CPNE5: variants seen among roughly 807,000 people sequenced by gnomAD.
The protein encoded by CPNE5 is copine 5.
CPNE5 carries 42 observed loss-of-function variants against 81.1 expected under a neutral mutation model. The observed-to-expected ratio is 0.52, with a 90% CI of 0.40 to 0.67. The LOEUF is 0.67. Among genes scored for constraint, CPNE5 ranks in the 30% least tolerant of loss-of-function variants. CPNE5 has a pLI of 0.00. For missense variants in CPNE5, 612 were observed against 815.5 expected (o/e 0.75, Z 3.04); for synonymous variants, 313 against 321.5 (o/e 0.97, Z 0.28).
At position 36,837,946 on chromosome 6, in the gene CPNE5, T is replaced by C. The variant is rs537734820; in HGVS notation, c.95+1337A>G. ...CATCAGGAATCTCCCAGCAGAGTAA[T>C]GACAAGATGCAAATGGCGTTGGGAG... On this transcript the variant is annotated intron_variant, in intron 1 of 20. Transcript: ENST00000244751. Among the ~76,000 whole-genome samples, 21 of 151,952 alleles carry C rather than the reference T, an allele frequency of 1.4e-4. No individual in the cohort carries two copies. In the South Asian group the frequency reaches 3.8e-3, roughly 27 times the overall value.
At chr6:36,780,195 C>T (rs115892252) in intron 8 of CPNE5, among the ~76,000 whole-genome samples, 1,812 of 152,258 alleles carry the variant, frequency 0.012, 19 homozygotes, top group African/African-American at 0.032. Flanking sequence ...GATATTCTGA[C>T]CTCATGATCC....
At chr6:36,829,052 C>T (rs1332153730) in intron 1 of CPNE5, among the ~76,000 whole-genome samples, 1 of 152,132 alleles carries the variant, frequency 6.6e-6, no homozygotes, top group Non-Finnish European at 1.5e-5. Flanking sequence ...GAAGATGGCA[C>T]CTAAGAATGC....
At chr6:36,803,891 C>T (rs961902913) in intron 3 of CPNE5, among the ~76,000 whole-genome samples, 1 of 152,120 alleles carries the variant, frequency 6.6e-6, no homozygotes, top group South Asian at 2.1e-4. Flanking sequence ...AACAACTGTG[C>T]TTTTTTAAAG....
intron 11 of CPNE5, 53 bp from the exon 12 acceptor site, chr6:36,763,045 C>T (rs988573376): frequency 5.4e-6 from 8 of 1,481,316 alleles, no homozygotes; most frequent in Middle Eastern, 1.7e-4. Context: ...CCTGCCTCTG[C>T]CCAGCCCCAG....
chr6:36,815,644 A>C (rs1182592872), intron 3 of CPNE5, among the ~76,000 whole-genome samples: 1 of 152,264 alleles, frequency 6.6e-6, no homozygotes, highest in Non-Finnish European at 1.5e-5. Flanking sequence ...TTGTTATAGC[A>C]ACCTGAACAG....
At chr6:36,832,389 A>G (rs1363924080) in intron 1 of CPNE5, among the ~76,000 whole-genome samples, 2 of 152,174 alleles carry the variant, frequency 1.3e-5, no homozygotes, top group Non-Finnish European at 2.9e-5. Flanking sequence ...AGGAGTGCAC[A>G]TGAGACCCAG....
chr6:36,777,767 CA>C (rs1767666277), intron 9 of CPNE5, among the ~76,000 whole-genome samples: 1 of 5,856 alleles, frequency 1.7e-4, no homozygotes. Context: ...CCCCCCCCAC[CA>C]CACACACACA....
intron 13 of CPNE5, among the ~76,000 whole-genome samples, chr6:36,753,495 C>T (rs1328922437): frequency 6.6e-6 from 1 of 152,224 alleles, no homozygotes; most frequent in African/African-American, 2.4e-5. Flanking sequence ...GTGTGGAGGA[C>T]AAGGGGGCCC....
In CPNE5 at chr6:36,764,074, G is replaced by A. The variant is rs548261443; in HGVS notation, c.780-1082C>T. Among the ~76,000 whole-genome samples the A allele has an allele frequency of 6.2e-3, 934 of 150,094 alleles. 7 individuals are homozygous for A. The highest frequency in any genetic ancestry group is 0.021 in the African/African-American group (863 of 40,684). On this transcript the variant is annotated intron_variant, in intron 11 of 20. Transcript: ENST00000244751. ...ACTGATGCCCAAGAGGTGTCCCTGG[G>A]GCCCCACCCCCCCACCCCCCACCGT...
chr6:36,741,951 G>T lies in CPNE5; in HGVS notation c.*317C>A, dbSNP rs948364660. Reference sequence around the variant, plus strand: ...AGGTAAGCAAATAGGATTGCCGGGGGTGGGCGACAGGGACCCCAATCACCC... The same window carrying T: ...AGGTAAGCAAATAGGATTGCCGGGGTTGGGCGACAGGGACCCCAATCACCC... On this transcript the variant is annotated 3_prime_UTR_variant, in exon 21 of 21. Coordinates refer to ENST00000244751, the MANE Select transcript of CPNE5 (RefSeq NM_020939.2). The T allele has an allele frequency of 3.1e-6, 1 of 324,526 alleles. No homozygotes were observed. The highest frequency in any genetic ancestry group is 2.1e-5 in the African/African-American group (1 of 47,002). The allele number at this position is 324,526 out of a possible 1,614,324, so 20.1% of individuals were successfully genotyped here.
chr6:36,813,398 G>A (rs568641791), intron 3 of CPNE5, among the ~76,000 whole-genome samples: 2 of 152,288 alleles, frequency 1.3e-5, no homozygotes, highest in East Asian at 1.9e-4. Flanking sequence ...AGGCATGGTG[G>A]CGCATGCCTG....
chr6:36,744,504 G>A, intron 18 of CPNE5, 179 bp from the exon 19 acceptor site: 1 of 616,686 alleles, frequency 1.6e-6, no homozygotes, highest in South Asian at 1.9e-5. Context: ...CAGAGATAAA[G>A]AGCAAAGGAA....
At chr6:36,816,660 G>A (rs1771570833) in intron 3 of CPNE5, among the ~76,000 whole-genome samples, 1 of 152,248 alleles carries the variant, frequency 6.6e-6, no homozygotes, top group Non-Finnish European at 1.5e-5. Flanking sequence ...TTCTATCCCA[G>A]AGGCGGTTCC....
At chr6:36,823,620 T>G (rs1772250772) in intron 1 of CPNE5, among the ~76,000 whole-genome samples, 1 of 152,206 alleles carries the variant, frequency 6.6e-6, no homozygotes, top group Non-Finnish European at 1.5e-5. Flanking sequence ...GACAAGGTCC[T>G]TCTGTGGTCA....
chr6:36,769,851 G>A (rs376125480), intron 10 of CPNE5, among the ~76,000 whole-genome samples: 1 of 152,120 alleles, frequency 6.6e-6, no homozygotes, highest in East Asian at 1.9e-4. Flanking sequence ...GTGGCCGGAT[G>A]CAAAAGAGAA....
intron 1 of CPNE5, among the ~76,000 whole-genome samples, chr6:36,828,308 C>CAAAAAAAAAAAAA (rs11444450): frequency 1.3e-5 from 1 of 78,612 alleles, no homozygotes; most frequent in Non-Finnish European, 2.5e-5. Context: ...AACAACAAAC[C>CAAAAAAAAAAAAA]AAAAAAAAAA....
chr6:36,774,622 A>T (rs1425427324), intron 10 of CPNE5, among the ~76,000 whole-genome samples: 1 of 152,248 alleles, frequency 6.6e-6, no homozygotes, highest in Non-Finnish European at 1.5e-5. Flanking sequence ...CGGGACACCC[A>T]TCTGGGTTTC....
chr6:36,796,617 A>C (rs978282950), intron 6 of CPNE5, among the ~76,000 whole-genome samples: 15 of 152,272 alleles, frequency 9.9e-5, no homozygotes, highest in Admixed American at 8.5e-4. Flanking sequence ...ATTACGAATG[A>C]AAACTGTTAG....
rs1196869427 is a variant in CPNE5, at chr6:36,756,289, G to T, written c.865C>A (p.Pro289Thr). 1 of 1,613,636 alleles carries T rather than the reference G, an allele frequency of 6.2e-7. No homozygotes were observed. Among genetic ancestry groups the T allele is most frequent in the African/African-American group, 1.3e-5 (1 of 74,866 alleles). Residue 289 changes from proline to threonine, a missense_variant, in exon 13 of 21, where the codon CCG becomes ACG. Transcript: ENST00000244751. ...TTCTTTTTCTTCATTTTCTTTTTCG[G>T]GTTTACCACCTGCAGGAAAAACCAG... The part of the protein sequence containing the change: ...SQFNIYEVVN[P>T]KKKMKKKKYV...
Sources: allele counts gnomAD v4.1 joint callset (sites outside exome capture counted in the v4.1 genomes callset), GRCh38; gene constraint gnomAD v4.1.1; transcripts MANE v1.5; gene names NCBI Gene and HGNC (gene_info 2026-07-23, HGNC 2026-07-21).